The following LY96 variants were observed in gnomAD, a reference collection of about 807,000 sequenced individuals.
The protein encoded by LY96 is lymphocyte antigen 96.
Under a neutral mutation model 18.9 loss-of-function variants are expected in LY96, and 18 were observed. The ratio of observed to expected loss-of-function variants is 0.95; its 90% confidence interval spans 0.66 to 1.41. The LOEUF (loss-of-function observed/expected upper bound fraction) is 1.41, where lower values mean the gene tolerates loss of function less well. Ranked by LOEUF, LY96 falls within the 40% of genes most tolerant of loss-of-function variation. LY96 has a pLI of 0.00. For synonymous variants in LY96, 66 were observed against 62.6 expected, an observed-to-expected ratio of 1.06 and a Z score of -0.26; for missense variants, 175 against 182.4, an observed-to-expected ratio of 0.96 and a Z score of 0.23.
intron 3 of LY96, among the ~76,000 whole-genome samples, chr8:74,021,977 T>G (rs1264291303): frequency 2.6e-5 from 4 of 151,896 alleles, no homozygotes; most frequent in Non-Finnish European, 5.9e-5. Flanking sequence ...TGTAAATGAC[T>G]AATTAATTGG....
chr8:74,032,727 T>C (rs956180900), downstream of LY96, among the ~76,000 whole-genome samples: 1 of 152,212 alleles, frequency 6.6e-6, no homozygotes, highest in East Asian at 1.9e-4. Context: ...ATAACTACTT[T>C]AAGGATAGAA....
chr8:74,095,728 C>T, the LY96 span, among the ~76,000 whole-genome samples: 1 of 152,196 alleles, frequency 6.6e-6, no homozygotes. Context: ...GCTTCCTTCT[C>T]TTTTCATTGA....
the LY96 span, among the ~76,000 whole-genome samples, chr8:74,046,795 TC>T: frequency 6.6e-6 from 1 of 152,086 alleles, no homozygotes; most frequent in African/African-American, 2.4e-5. Context: ...CTTCCAGCAA[TC>T]CCCCTTCTTT....
chr8:74,090,033 T>C, the LY96 span, among the ~76,000 whole-genome samples: 1 of 152,128 alleles, frequency 6.6e-6, no homozygotes, highest in African/African-American at 2.4e-5. Context: ...TTTTGCATTT[T>C]GGATGAGATG....
chr8:74,019,378 C>T lies in LY96; in HGVS notation c.332-7411C>T, dbSNP rs542858740. 1.9e-4 allele frequency among the ~76,000 whole-genome samples: 29 copies of T among 152,130 alleles called. No individual in the cohort carries two copies. The East Asian group carries it at 5.2e-3, about 27-fold the overall frequency. ...TCCCAAGACTAAACCAGGAAGAAGT[C>T]GAATCCCTGAATAGATCAATAACAA... is the stretch of plus-strand genomic sequence containing the variant. On this transcript the variant is annotated intron_variant, in intron 3 of 4. Coordinates refer to ENST00000284818, the MANE Select transcript of LY96 (RefSeq NM_015364.5).
chr8:74,085,830 C>T, the LY96 span, among the ~76,000 whole-genome samples: 12 of 152,138 alleles, frequency 7.9e-5, no homozygotes, highest in Non-Finnish European at 1.2e-4. Context: ...GAAATCATTA[C>T]CACAATCAAG....
At chr8:73,995,122 C>G (rs1816097432) in intron 1 of LY96, among the ~76,000 whole-genome samples, 1 of 152,176 alleles carries the variant, frequency 6.6e-6, no homozygotes, top group African/African-American at 2.4e-5. Flanking sequence ...GTTTAGCCCC[C>G]TTATGTCTCC....
chr8:74,051,917 C>A, the LY96 span, among the ~76,000 whole-genome samples: 1 of 152,146 alleles, frequency 6.6e-6, no homozygotes, highest in Non-Finnish European at 1.5e-5. Flanking sequence ...TTCAATTTTA[C>A]TCCCTAATTC....
intron 2 of LY96, among the ~76,000 whole-genome samples, chr8:74,007,279 T>A (rs1458046740): frequency 6.6e-6 from 1 of 152,228 alleles, no homozygotes; most frequent in Non-Finnish European, 1.5e-5. Flanking sequence ...GTCTGCCAGC[T>A]ACTCTTCTCA....
At chr8:74,088,148 T>TAGAAA in the LY96 span, among the ~76,000 whole-genome samples, 10 of 144,618 alleles carry the variant, frequency 6.9e-5, no homozygotes, top group Admixed American at 2.8e-4. Flanking sequence ...TAGAATAGAA[T>TAGAAA]AGAAAAGAAT....
intron 3 of LY96, among the ~76,000 whole-genome samples, chr8:74,019,915 G>GT (rs1417078648): frequency 1.3e-5 from 2 of 151,978 alleles, no homozygotes; most frequent in Admixed American, 6.6e-5. Flanking sequence ...TTGATGGAAC[G>GT]TATCTCAAAA....
At chr8:74,099,654 G>C in the LY96 span, 1 of 152,170 alleles carries the variant, frequency 6.6e-6, no homozygotes, top group Admixed American at 6.5e-5. Flanking sequence ...TTTTCCTTTT[G>C]TAAATATTAA....
At chr8:74,089,284 C>G in the LY96 span, among the ~76,000 whole-genome samples, 1 of 152,172 alleles carries the variant, frequency 6.6e-6, no homozygotes, top group East Asian at 1.9e-4. Context: ...ATCCTCAAAA[C>G]AAGACTGGCT....
intron 2 of LY96, among the ~76,000 whole-genome samples, chr8:74,008,150 G>C (rs1353249065): frequency 6.6e-6 from 1 of 152,212 alleles, no homozygotes; most frequent in African/African-American, 2.4e-5. Flanking sequence ...CATCGTTCAT[G>C]TTCTTAACGT....
chr8:74,067,586 C>T, the LY96 span, among the ~76,000 whole-genome samples: 1 of 152,002 alleles, frequency 6.6e-6, no homozygotes, highest in African/African-American at 2.4e-5. Context: ...TTCACAAAAG[C>T]AGAAGTGGGA....
chr8:74,005,097 TC>T (rs1251633656), intron 2 of LY96, among the ~76,000 whole-genome samples: 1 of 152,208 alleles, frequency 6.6e-6, no homozygotes, highest in Non-Finnish European at 1.5e-5. Context: ...TGCTTCAAGG[TC>T]TCCCATAAGG....
chr8:74,097,357 A>G, the LY96 span, among the ~76,000 whole-genome samples: 1 of 152,182 alleles, frequency 6.6e-6, no homozygotes, highest in East Asian at 1.9e-4. Flanking sequence ...TGGAATAGCA[A>G]CAGTACCTGT....
chr8:74,024,805 T>G (rs896473711), intron 3 of LY96, among the ~76,000 whole-genome samples: 9 of 152,156 alleles, frequency 5.9e-5, no homozygotes, highest in Non-Finnish European at 1.3e-4. Context: ...TTTTTTTGGT[T>G]TTTAAAAATT....
chr8:74,090,337 G>A, the LY96 span, among the ~76,000 whole-genome samples: 6 of 152,180 alleles, frequency 3.9e-5, no homozygotes, highest in African/African-American at 2.4e-5. Context: ...ATATACAGGT[G>A]CTTAGTGAAT....
Sources: gnomAD v4.1 joint callset for allele counts (sites outside exome capture counted in the v4.1 genomes callset) on GRCh38, gnomAD v4.1.1 for gene constraint, MANE v1.5 for transcripts, NCBI Gene and HGNC (gene_info 2026-07-23, HGNC 2026-07-21) for gene names.